Variants in CNTN5 observed in about 807,000 individuals in gnomAD.
CNTN5 encodes the protein contactin-5.
A neutral mutation model predicts 129.1 loss-of-function variants in CNTN5; 77 were observed. The observed-to-expected ratio is 0.60, with a 90% confidence interval of 0.50 to 0.72. The LOEUF (loss-of-function observed/expected upper bound fraction) is 0.72, where lower values mean the gene tolerates loss of function less well. CNTN5 is among the 30% of genes least tolerant of loss of function. The pLI is 0.00. For synonymous variants in CNTN5, 509 were observed against 465.6 expected (o/e 1.09, Z -1.20); for missense variants, 1,478 against 1,328.8 (o/e 1.11, Z -1.75).
intron 13 of CNTN5, among the ~76,000 whole-genome samples, chr11:100,152,703 T>C (rs983833655): frequency 2.0e-5 from 3 of 152,176 alleles, no homozygotes; most frequent in Non-Finnish European, 2.9e-5. Context: ...AAGTATAACC[T>C]GTATTATTTT....
chr11:99,798,979 T>C (rs1037360342), intron 3 of CNTN5, among the ~76,000 whole-genome samples: 5 of 152,120 alleles, frequency 3.3e-5, no homozygotes, highest in African/African-American at 1.2e-4. Flanking sequence ...AGATCTTTTA[T>C]CTCCTTGGTT....
chr11:99,587,418 A>G (rs1949832793), intron 3 of CNTN5, among the ~76,000 whole-genome samples: 1 of 152,230 alleles, frequency 6.6e-6, no homozygotes, highest in Admixed American at 6.5e-5. Flanking sequence ...CAAATTCAAT[A>G]GCAGGTATCT....
intron 2 of CNTN5, among the ~76,000 whole-genome samples, chr11:99,385,830 T>G (rs1434162791): frequency 6.6e-6 from 1 of 152,158 alleles, no homozygotes; most frequent in Non-Finnish European, 1.5e-5. Flanking sequence ...ATTCCATATA[T>G]GGATTGTATA....
chr11:100,287,631 C>T (rs10791294), intron 18 of CNTN5, among the ~76,000 whole-genome samples: 59,039 of 150,576 alleles, frequency 0.39, 13,389 homozygotes, highest in Non-Finnish European at 0.53. Context: ...AAGGAACAAC[C>T]GGTACCAGCC....
At chr11:99,877,169 C>A (rs1948655216) in intron 6 of CNTN5, among the ~76,000 whole-genome samples, 1 of 152,014 alleles carries the variant, frequency 6.6e-6, no homozygotes, top group South Asian at 2.1e-4. Flanking sequence ...AAAGTGTTTT[C>A]CATCTTTGTG....
chr11:99,313,876 C>A (rs947569192), intron 1 of CNTN5, among the ~76,000 whole-genome samples: 2 of 151,928 alleles, frequency 1.3e-5, no homozygotes, highest in African/African-American at 4.8e-5. Flanking sequence ...TTAGTCGTAT[C>A]GTAGACTTTC....
chr11:99,225,873 A>G (rs1438352443), intron 1 of CNTN5, among the ~76,000 whole-genome samples: 1 of 152,202 alleles, frequency 6.6e-6, no homozygotes, highest in African/African-American at 2.4e-5. Flanking sequence ...ATGGATAAGG[A>G]TGCAAAGTCT....
chr11:99,776,798 A>G (rs957232067), intron 3 of CNTN5, among the ~76,000 whole-genome samples: 6 of 151,862 alleles, frequency 4.0e-5, no homozygotes, highest in African/African-American at 1.4e-4. Context: ...ATTAAAAAAA[A>G]AACTATTCAA....
intron 1 of CNTN5, among the ~76,000 whole-genome samples, chr11:99,158,360 C>T (rs1860435246): frequency 6.6e-6 from 1 of 152,174 alleles, no homozygotes; most frequent in Non-Finnish European, 1.5e-5. Flanking sequence ...TCACAGCTCT[C>T]TCCCTCTCTC....
intron 1 of CNTN5, among the ~76,000 whole-genome samples, chr11:99,210,402 A>G (rs1320081916): frequency 9.2e-5 from 14 of 152,084 alleles, no homozygotes; most frequent in Admixed American, 9.2e-4. Flanking sequence ...AAGAAAATGT[A>G]TATCACTTCA....
At chr11:99,589,456 C>G (rs2135661505) in intron 3 of CNTN5, among the ~76,000 whole-genome samples, 1 of 152,256 alleles carries the variant, frequency 6.6e-6, no homozygotes, top group Admixed American at 6.5e-5. Context: ...AAAGAAGGAT[C>G]TGAAGTAAAG....
At position 100,186,304 on chromosome 11, in the gene CNTN5, G is replaced by T. The variant is rs12296020; in HGVS notation, c.1581-4822G>T. Among the ~76,000 whole-genome samples, 809 of 152,288 alleles carry T rather than the reference G, an allele frequency of 5.3e-3. 8 individuals are homozygous for T. The highest frequency in any genetic ancestry group is 0.018 in the African/African-American group (749 of 41,564). On this transcript the variant is annotated intron_variant, in intron 13 of 24. Coordinates refer to ENST00000524871, the MANE Select transcript of CNTN5 (RefSeq NM_014361.4). ...GTGGGAGAATCTCTTGATCCCAGAA[G>T]GTTGAGGCTGCACTGAGCCATGACT...
chr11:99,613,434 G>A (rs1259331692), intron 3 of CNTN5, among the ~76,000 whole-genome samples: 2 of 152,146 alleles, frequency 1.3e-5, no homozygotes, highest in Admixed American at 6.5e-5. Flanking sequence ...GTGCTGAACT[G>A]TGAGTCAAGT....
At chr11:99,539,255 ATTGT>A (rs1565274630) in intron 2 of CNTN5, among the ~76,000 whole-genome samples, 1 of 152,010 alleles carries the variant, frequency 6.6e-6, no homozygotes, top group East Asian at 1.9e-4. Context: ...TTATTTTGAG[ATTGT>A]TTATGACATG....
chr11:100,322,114 G>C (rs1327304775), intron 21 of CNTN5, among the ~76,000 whole-genome samples: 1 of 151,998 alleles, frequency 6.6e-6, no homozygotes. Context: ...ACACTAGTTG[G>C]TTTTTACCAG....
At chr11:100,319,817 G>A (rs955874253) in intron 21 of CNTN5, among the ~76,000 whole-genome samples, 45 of 152,130 alleles carry the variant, frequency 3.0e-4, no homozygotes, top group African/African-American at 1.1e-3. Context: ...GTCTTTCTGT[G>A]CCTGGCTTAT....
chr11:99,057,081 A>G (rs1021104009), intron 1 of CNTN5, among the ~76,000 whole-genome samples: 8 of 152,076 alleles, frequency 5.3e-5, no homozygotes, highest in Non-Finnish European at 8.8e-5. Context: ...CAAGAAGCAC[A>G]ATTTAATCTG....
rs987594678 is a variant in CNTN5, at chr11:99,447,722, C to T, written c.-70-108423C>T. Among the ~76,000 whole-genome samples the T allele has an allele frequency of 2.0e-5, 3 of 152,132 alleles. 1 individual carries two copies. The highest frequency in any genetic ancestry group is 2.9e-5 in the Non-Finnish European group (2 of 68,014). ...TGGGCAGATCACGAGGTCAGGAGTT[C>T]GAGACCAGCCTGGCCAACATGGTGA... On this transcript the variant is annotated intron_variant, in intron 2 of 24. Transcript: ENST00000524871.
chr11:99,553,820 A>C (rs1371303601), intron 2 of CNTN5, among the ~76,000 whole-genome samples: 4 of 152,008 alleles, frequency 2.6e-5, no homozygotes, highest in Non-Finnish European at 5.9e-5. Flanking sequence ...AGAGAGAGAG[A>C]ATAAGGGAGG....
Sources: gnomAD v4.1 joint callset for allele counts (sites outside exome capture counted in the v4.1 genomes callset) on GRCh38, gnomAD v4.1.1 for gene constraint, MANE v1.5 for transcripts, NCBI Gene and HGNC (gene_info 2026-07-23, HGNC 2026-07-21) for gene names.